CACNA1D: variants seen among roughly 807,000 people sequenced by gnomAD.
The protein encoded by CACNA1D is calcium voltage-gated channel subunit alpha1 D, also known as voltage-dependent L-type calcium channel subunit alpha-1D.
In CACNA1D, 55 loss-of-function variants were observed where a neutral mutation model predicts 257.1. That is an observed-to-expected ratio of 0.21 (90% CI 0.17 to 0.27). The LOEUF is 0.27. Among genes scored for constraint, CACNA1D ranks in the 10% least tolerant of loss-of-function variants. The pLI, the probability that CACNA1D is intolerant of heterozygous loss-of-function variation, is 1.00. For synonymous variants in CACNA1D, 980 were observed against 1,014.9 expected (o/e 0.97, Z 0.65); for missense variants, 1,876 against 2,784.0 (o/e 0.67, Z 7.34).
At chr3:53,626,579 A>T (rs1559936416) in intron 3 of CACNA1D, among the ~76,000 whole-genome samples, 2 of 151,014 alleles carry the variant, frequency 1.3e-5, no homozygotes, top group Non-Finnish European at 1.5e-5. Flanking sequence ...TTTTTTTTTT[A>T]AAGTCAAACA....
At chr3:53,691,749 AAT>A (rs1407532712) in intron 8 of CACNA1D, among the ~76,000 whole-genome samples, 1 of 50,028 alleles carries the variant, frequency 2.0e-5, no homozygotes, top group Non-Finnish European at 3.8e-5. Context: ...TTACATATAT[AAT>A]ATATATTACA....
intron 40 of CACNA1D, among the ~76,000 whole-genome samples, chr3:53,787,949 TG>T (rs1354697648): frequency 6.6e-6 from 1 of 152,106 alleles, no homozygotes; most frequent in Non-Finnish European, 1.5e-5. Context: ...TTTATGCCCC[TG>T]TTCTCAGTAC....
rs774423626 is a variant in CACNA1D at position 53,801,348 on chromosome 3, T to C, written c.5331T>C (p.Leu1777=). ...AHGKRPSIGN[L]EHVSENGHHS... ...GAAAGCGGCCCAGCATTGGGAACCTTGAGCATGTGTCTGAAAATGGGCATC... is the reference window on the plus strand; with the variant it reads ...GAAAGCGGCCCAGCATTGGGAACCTCGAGCATGTGTCTGAAAATGGGCATC... Residue 1777 remains leucine, a synonymous_variant, in exon 42 of 48, where the codon CTT becomes CTC. Coordinates refer to ENST00000350061, the MANE Select transcript of CACNA1D (RefSeq NM_001128840.3). The C allele has an allele frequency of 5.6e-6, 9 of 1,614,018 alleles. No individual in the cohort carries two copies. The African/African-American group carries it at 9.3e-5, about 17-fold the overall frequency.
Position 53,803,328 on chromosome 3 carries a change from C to T in CACNA1D, c.5436-95C>T, listed in dbSNP as rs565176148. On this transcript the variant is annotated intron_variant, in intron 43 of 47. Coordinates refer to ENST00000350061, the MANE Select transcript of CACNA1D (RefSeq NM_001128840.3). ...TGCGCGCTGGGAGAAGCCAGGAGCACCCGGGCAGGGTTGCCGGCCACAGGC... is the reference window on the plus strand; with the variant it reads ...TGCGCGCTGGGAGAAGCCAGGAGCATCCGGGCAGGGTTGCCGGCCACAGGC... The T allele has an allele frequency of 6.4e-4, 915 of 1,432,240 alleles. 3 individuals are homozygous for T. Among genetic ancestry groups the T allele is most frequent in the Middle Eastern group, 4.0e-3 (22 of 5,498 alleles). 88.7% of individuals were successfully genotyped at this position (1,432,240 alleles called of 1,614,324 possible).
intron 3 of CACNA1D, among the ~76,000 whole-genome samples, chr3:53,649,468 T>G (rs898323161): frequency 6.6e-6 from 1 of 152,234 alleles, no homozygotes; most frequent in African/African-American, 2.4e-5. Context: ...TGTCAGTTAC[T>G]ACTTTTGTGA....
At chr3:53,786,603 A>G (rs1416224265) in intron 39 of CACNA1D, 3 of 571,488 alleles carry the variant, frequency 5.2e-6, no homozygotes, top group Non-Finnish European at 6.3e-6. Flanking sequence ...GTATCAGTTC[A>G]TTTAACTGAC....
chr3:53,642,158 C>T (rs2093960894), intron 3 of CACNA1D, among the ~76,000 whole-genome samples: 1 of 152,200 alleles, frequency 6.6e-6, no homozygotes, highest in South Asian at 2.1e-4. Context: ...GGGCCAGGTG[C>T]CTGCTTCTGA....
intron 9 of CACNA1D, among the ~76,000 whole-genome samples, chr3:53,714,112 A>G (rs1449820468): frequency 1.3e-5 from 2 of 152,178 alleles, no homozygotes; most frequent in Non-Finnish European, 2.9e-5. Context: ...TTTTAAATTT[A>G]TATAAAAAAT....
At position 53,811,335 on chromosome 3, in the gene CACNA1D, G is replaced by A. The variant is rs1461917633; in HGVS notation, c.6415G>A (p.Asp2139Asn). Reference protein sequence around the residue: ...ELQDFGPGYSDEEPDPGRDEE... With the variant: ...ELQDFGPGYSNEEPDPGRDEE... ...ACAGGACTTTGGTCCTGGCTACAGCGACGAAGAGCCAGACCCTGGGAGGGA... is the reference window on the plus strand; with the variant it reads ...ACAGGACTTTGGTCCTGGCTACAGCAACGAAGAGCCAGACCCTGGGAGGGA... The change falls in exon 48 of 48, where the codon GAC becomes AAC. Residue 2139 changes from aspartate (D) to asparagine (N), a missense_variant. Physicochemically the swap from Asp to Asn is conservative, Grantham distance 23. Transcript: ENST00000350061. This position sits in a 1 kb window ranked among gnomAD's most constrained non-coding sequence, Gnocchi z 4.2. The A allele has an allele frequency of 9.3e-6, 15 of 1,606,028 alleles. No individual in the cohort carries two copies. The highest frequency in any genetic ancestry group is 2.7e-5 in the African/African-American group (2 of 74,820).
At chr3:53,801,509 C>A in intron 42 of CACNA1D, 84 bp downstream of exon 42, 1 of 1,557,878 alleles carries the variant, frequency 6.4e-7, no homozygotes, top group Non-Finnish European at 8.8e-7. Context: ...CGGGTCTGTG[C>A]TCTGTGCTCT....
chr3:53,711,702 G>A (rs1213708040), intron 9 of CACNA1D, among the ~76,000 whole-genome samples: 1 of 152,236 alleles, frequency 6.6e-6, no homozygotes, highest in Non-Finnish European at 1.5e-5. Context: ...GAGAGGTTAT[G>A]GGACGCAGAT....
chr3:53,559,698 C>T (rs1559840838), intron 3 of CACNA1D, among the ~76,000 whole-genome samples: 2 of 152,204 alleles, frequency 1.3e-5, no homozygotes, highest in Non-Finnish European at 2.9e-5. Context: ...TGTGAGCCCA[C>T]ATGTTAATAT....
chr3:53,770,309 T>G (rs2095359349), intron 31 of CACNA1D, 115 bp from the exon 32 acceptor site: 1 of 1,030,996 alleles, frequency 9.7e-7, no homozygotes, highest in South Asian at 1.3e-5. Context: ...GAAAAGGCCC[T>G]AGAATCACAT....
At chr3:53,707,800 A>G (rs1022101670) in intron 9 of CACNA1D, among the ~76,000 whole-genome samples, 1 of 152,230 alleles carries the variant, frequency 6.6e-6, no homozygotes, top group Non-Finnish European at 1.5e-5. Context: ...GTCTTAAAAA[A>G]AAAAAGCATT....
chr3:53,747,533 T>C, intron 26 of CACNA1D, 85 bp downstream of exon 26: 1 of 1,375,520 alleles, frequency 7.3e-7, no homozygotes, highest in East Asian at 2.3e-5. Flanking sequence ...GTCCCATTTC[T>C]GTTCTCCAGT....
At chr3:53,689,691 C>T (rs1447637524) in intron 8 of CACNA1D, among the ~76,000 whole-genome samples, 1 of 152,048 alleles carries the variant, frequency 6.6e-6, no homozygotes, top group African/African-American at 2.4e-5. Context: ...ACAGGTCTTG[C>T]TCTGTCACCC....
At chr3:53,691,479 C>G (rs1366640543) in intron 8 of CACNA1D, among the ~76,000 whole-genome samples, 1 of 151,118 alleles carries the variant, frequency 6.6e-6, no homozygotes, top group Non-Finnish European at 1.5e-5. Context: ...ATGCAACCTT[C>G]ATGGATTCTC....
At chr3:53,776,778 T>A (rs2095400130) in intron 36 of CACNA1D, 48 bp downstream of exon 36, 1 of 1,614,184 alleles carries the variant, frequency 6.2e-7, no homozygotes, top group African/African-American at 1.3e-5. Flanking sequence ...GATTTTGGAA[T>A]GTCAGCTTTT....
intron 3 of CACNA1D, among the ~76,000 whole-genome samples, chr3:53,590,774 A>G (rs1020430191): frequency 6.6e-6 from 1 of 152,196 alleles, no homozygotes; most frequent in Non-Finnish European, 1.5e-5. Context: ...TGGTGCCCAC[A>G]TCCTGGCATT....
Sources: allele counts gnomAD v4.1 joint callset (sites outside exome capture counted in the v4.1 genomes callset), GRCh38; gene constraint gnomAD v4.1.1; non-coding constraint Gnocchi (gnomAD v3.1); transcripts MANE v1.5; gene names NCBI Gene and HGNC (gene_info 2026-07-23, HGNC 2026-07-21).